Variants in MRPL45 observed in about 807,000 individuals in gnomAD.
MRPL45 encodes the protein mitochondrial ribosomal protein L45.
A neutral mutation model predicts 38.1 loss-of-function variants in MRPL45; 20 were observed. The observed-to-expected ratio is 0.53, with a 90% CI of 0.37 to 0.76. The LOEUF (loss-of-function observed/expected upper bound fraction) is 0.76. MRPL45 is among the 30% of genes least tolerant of loss of function. MRPL45 has a pLI of 0.00. For synonymous variants in MRPL45, 105 were observed against 128.8 expected (o/e 0.82, Z 1.25); for missense variants, 337 against 395.6 (o/e 0.85, Z 1.26).
chr17:38,314,868 G>C (rs1451440332), intron 4 of MRPL45, among the ~76,000 whole-genome samples: 1 of 152,218 alleles, frequency 6.6e-6, no homozygotes, highest in Non-Finnish European at 1.5e-5. Flanking sequence ...AACACAGCCA[G>C]GCGTGGTGGC....
chr17:38,315,263 A>G (rs1015728896), intron 4 of MRPL45, among the ~76,000 whole-genome samples: 1 of 151,252 alleles, frequency 6.6e-6, no homozygotes, highest in Non-Finnish European at 1.5e-5. Flanking sequence ...TTTCTTTTTT[A>G]TTTTAAAGTC....
chr17:38,297,604 G>C (rs2036949577), intron 1 of MRPL45, among the ~76,000 whole-genome samples: 2 of 152,142 alleles, frequency 1.3e-5, no homozygotes, highest in Non-Finnish European at 2.9e-5. Flanking sequence ...AAATGAGGGC[G>C]TCCCATATTG....
At chr17:38,313,647 GTCT>G (rs1364621103) in intron 4 of MRPL45, among the ~76,000 whole-genome samples, 2 of 150,080 alleles carry the variant, frequency 1.3e-5, no homozygotes, top group Non-Finnish European at 3.0e-5. Context: ...CCTTTTGTAC[GTCT>G]TCTTTGAAGA....
chr17:38,307,147 C>T (rs1305424650), intron 4 of MRPL45, among the ~76,000 whole-genome samples: 2 of 152,048 alleles, frequency 1.3e-5, no homozygotes. Context: ...AACTCCCCTG[C>T]CTCAGCCTCC....
intron 3 of MRPL45, among the ~76,000 whole-genome samples, chr17:38,306,232 A>ACCC (rs542416652): frequency 0.024 from 3,553 of 150,798 alleles, 138 homozygotes; most frequent in African/African-American, 0.081. Context: ...ACACGGTGAA[A>ACCC]CCCCGTCTCT....
chr17:38,303,939 C>A (rs1198310200), intron 3 of MRPL45, among the ~76,000 whole-genome samples: 5 of 152,104 alleles, frequency 3.3e-5, no homozygotes, highest in Non-Finnish European at 7.4e-5. Context: ...GTTGGTCAGG[C>A]TGATTGCCTC....
At chr17:38,301,751 A>G (rs1007779650) in intron 3 of MRPL45, among the ~76,000 whole-genome samples, 2 of 152,210 alleles carry the variant, frequency 1.3e-5, no homozygotes, top group Admixed American at 1.3e-4. Context: ...GGAGGAAAAC[A>G]GTCATTAAAT....
chr17:38,298,931 C>T (rs2036964143), intron 2 of MRPL45, among the ~76,000 whole-genome samples: 1 of 151,834 alleles, frequency 6.6e-6, no homozygotes, highest in Non-Finnish European at 1.5e-5. Context: ...GACAGAGTCT[C>T]GTTCTGTCGC....
At chr17:38,304,713 T>C (rs1249093402) in intron 3 of MRPL45, among the ~76,000 whole-genome samples, 1 of 151,926 alleles carries the variant, frequency 6.6e-6, no homozygotes, top group African/African-American at 2.4e-5. Context: ...CCAGCTAATT[T>C]TTGTATTTTT....
intron 3 of MRPL45, among the ~76,000 whole-genome samples, chr17:38,302,091 T>A (rs1378064354): frequency 4.3e-5 from 5 of 115,226 alleles, no homozygotes; most frequent in Non-Finnish European, 6.5e-5. Flanking sequence ...CACTCCAGCC[T>A]GGGCGACAGA....
intron 4 of MRPL45, 115 bp from the exon 5 acceptor site, chr17:38,318,572 T>C: frequency 1.3e-6 from 1 of 747,892 alleles, no homozygotes. Context: ...TTATACTAGA[T>C]GTGCCGAAAA....
intron 4 of MRPL45, among the ~76,000 whole-genome samples, chr17:38,308,692 G>A (rs548946614): frequency 4.7e-5 from 7 of 150,230 alleles, no homozygotes; most frequent in African/African-American, 9.8e-5. Flanking sequence ...CGCCCACCTC[G>A]GCCTCCCAAA....
intron 4 of MRPL45, among the ~76,000 whole-genome samples, chr17:38,313,357 TATATATATACGTATATATATATATATAC>T (rs2037142458): frequency 5.5e-4 from 12 of 21,666 alleles, no homozygotes; most frequent in African/African-American, 2.1e-3. Context: ...CGTATATATA[TATATATATACGTATATATATATATATAC>T]ATATATATAT....
At chr17:38,310,688 C>T (rs901258194) in intron 4 of MRPL45, among the ~76,000 whole-genome samples, 5 of 152,094 alleles carry the variant, frequency 3.3e-5, no homozygotes, top group Admixed American at 1.3e-4. Flanking sequence ...TACAGTGGCT[C>T]GATCATGGCT....
chr17:38,314,217 G>T (rs2037152978), intron 4 of MRPL45, among the ~76,000 whole-genome samples: 2 of 152,086 alleles, frequency 1.3e-5, no homozygotes, highest in South Asian at 4.1e-4. Flanking sequence ...CAATTCTCCT[G>T]CCTCAGCCTC....
intron 4 of MRPL45, among the ~76,000 whole-genome samples, chr17:38,314,631 G>A (rs1308117196): frequency 6.6e-6 from 1 of 152,066 alleles, no homozygotes; most frequent in African/African-American, 2.4e-5. Flanking sequence ...TTTTGAGTTA[G>A]TTTTTGTATA....
At chr17:38,313,283 A>C (rs2037132013) in intron 4 of MRPL45, among the ~76,000 whole-genome samples, 1 of 109,810 alleles carries the variant, frequency 9.1e-6, no homozygotes, top group Admixed American at 1.1e-4. Context: ...GCGCCTAGCC[A>C]CTTTCCTTTC....
intron 3 of MRPL45, among the ~76,000 whole-genome samples, chr17:38,303,984 A>G (rs912554880): frequency 2.0e-5 from 3 of 151,952 alleles, no homozygotes; most frequent in Non-Finnish European, 4.4e-5. Flanking sequence ...CTTGGATCCT[A>G]TGTCTTTATG....
chr17:38,313,078 G>A (rs1288849484), intron 4 of MRPL45, among the ~76,000 whole-genome samples: 4 of 142,932 alleles, frequency 2.8e-5, no homozygotes, highest in South Asian at 2.2e-4. Flanking sequence ...TCCGCCTGCC[G>A]GGTTCAAGCC....
Sources: allele counts gnomAD v4.1 joint callset (sites outside exome capture counted in the v4.1 genomes callset), GRCh38; gene constraint gnomAD v4.1.1; transcripts MANE v1.5; gene names NCBI Gene and HGNC (gene_info 2026-07-23, HGNC 2026-07-21).